The following BTG4 variants were observed in gnomAD, a reference collection of about 807,000 sequenced individuals.
BTG4 encodes the protein protein BTG4.
Under a neutral mutation model 19.3 loss-of-function variants are expected in BTG4, and 10 were observed. The ratio of observed to expected loss-of-function variants is 0.52; its 90% CI spans 0.32 to 0.88. BTG4 has a LOEUF of 0.88. BTG4 is among the 40% of genes least tolerant of loss of function. The pLI, the probability that BTG4 is intolerant of heterozygous loss-of-function variation, is 0.04. For missense variants in BTG4, 238 were observed against 281.9 expected (o/e 0.84, Z 1.11); for synonymous variants, 91 against 95.7 (o/e 0.95, Z 0.29).
At chr11:111,399,430 A>G in the BTG4 span, among the ~76,000 whole-genome samples, 37 of 152,346 alleles carry the variant, frequency 2.4e-4, no homozygotes, top group African/African-American at 6.3e-4. Flanking sequence ...TAGGAGCCCA[A>G]TGAGACTTTA....
chr11:111,441,564 G>C, the BTG4 span, among the ~76,000 whole-genome samples: 1 of 152,138 alleles, frequency 6.6e-6, no homozygotes, highest in Non-Finnish European at 1.5e-5. Flanking sequence ...CTCTGTCCTT[G>C]TCTGCTCTTG....
At chr11:111,490,615 C>A (rs1404305962), downstream of BTG4, among the ~76,000 whole-genome samples, 2 of 152,190 alleles carry the variant, frequency 1.3e-5, no homozygotes, top group East Asian at 3.8e-4. Context: ...AAGACTTACA[C>A]AGATATTTCA....
At chr11:111,480,060 G>A (rs1864640111) in intron 5 of BTG4, among the ~76,000 whole-genome samples, 1 of 151,884 alleles carries the variant, frequency 6.6e-6, no homozygotes, top group Non-Finnish European at 1.5e-5. Context: ...TTGGTAGAGT[G>A]AACTAAAAAT....
At chr11:111,423,548 C>T in the BTG4 span, among the ~76,000 whole-genome samples, 1 of 152,220 alleles carries the variant, frequency 6.6e-6, no homozygotes, top group East Asian at 1.9e-4. Context: ...TGGCCTACCC[C>T]TCCCCAAAGG....
chr11:111,428,690 T>C, the BTG4 span, among the ~76,000 whole-genome samples: 1 of 152,178 alleles, frequency 6.6e-6, no homozygotes, highest in Non-Finnish European at 1.5e-5. Context: ...ACTCAGCCCC[T>C]GACTATCTGC....
rs549193959 is a variant in BTG4 at position 111,488,473 on chromosome 11, T to A, written c.662+6690A>T. On this transcript the variant is annotated intron_variant, in intron 5 of 5. Transcript: ENST00000356018. The stretch of plus-strand genomic sequence containing the variant: ...TAAAGATGGATTAAGAACTTAAATA[T>A]AAGATCTGAAACTATGAAACTACTA... 3.3e-5 allele frequency among the ~76,000 whole-genome samples: 5 copies of A among 152,294 alleles called. No individual in the cohort carries two copies. In the East Asian group the frequency reaches 9.6e-4, roughly 29 times the overall value.
the BTG4 span, chr11:111,401,048 G>A: frequency 2.2e-4 from 12 of 54,832 alleles, no homozygotes; most frequent in East Asian, 6.0e-3. Context: ...CTGGAACCTG[G>A]AGCATAAAAA....
chr11:111,506,561 C>A (rs1391487064), intron 1 of BTG4, among the ~76,000 whole-genome samples: 3 of 151,916 alleles, frequency 2.0e-5, no homozygotes, highest in Non-Finnish European at 4.4e-5. Flanking sequence ...AAGCCCAACA[C>A]GCAACATTAT....
At chr11:111,475,473 T>C (rs1935570400) in intron 5 of BTG4, 1 of 152,094 alleles carries the variant, frequency 6.6e-6, no homozygotes, top group Non-Finnish European at 1.5e-5. Flanking sequence ...GATATATATA[T>C]ATAATATTTG....
rs1461768502 is a variant in BTG4 at position 111,509,568 on chromosome 11, C to T, written c.-27+2613G>A. ...AAAATTAGCCAGGCATGGTGGTGGG[C>T]GCCTGTAATCCCAGCTACTCAGGAG... On this transcript the variant is annotated intron_variant, in intron 1 of 4. Coordinates refer to ENST00000692032, the MANE Select transcript of BTG4 (RefSeq NM_001367975.1). 3.3e-5 allele frequency among the ~76,000 whole-genome samples: 5 copies of T among 151,754 alleles called. No individual in the cohort carries two copies. In the South Asian group the frequency reaches 6.3e-4, roughly 19 times the overall value.
chr11:111,444,023 C>T, the BTG4 span, among the ~76,000 whole-genome samples: 18 of 152,272 alleles, frequency 1.2e-4, no homozygotes, highest in South Asian at 3.7e-3. Context: ...CACAGACACA[C>T]ATTTGGTTTA....
the BTG4 span, chr11:111,385,062 CT>C: frequency 6.6e-6 from 1 of 151,876 alleles, no homozygotes; most frequent in East Asian, 1.9e-4. Context: ...GCAACTGCCA[CT>C]TTTGTTCTTA....
At chr11:111,452,195 T>C in the BTG4 span, among the ~76,000 whole-genome samples, 1 of 152,238 alleles carries the variant, frequency 6.6e-6, no homozygotes, top group Non-Finnish European at 1.5e-5. Context: ...TCCCAGAACA[T>C]GCACACAGCT....
At chr11:111,497,024 G>A in intron 4 of BTG4, 187 bp downstream of exon 4, 1 of 468,306 alleles carries the variant, frequency 2.1e-6, no homozygotes, top group Non-Finnish European at 3.7e-6. Context: ...GCTCAGCCAA[G>A]TGTAGGGAAT....
At chr11:111,465,696 C>G (rs1309410771), downstream of BTG4, among the ~76,000 whole-genome samples, 1 of 152,092 alleles carries the variant, frequency 6.6e-6, no homozygotes, top group South Asian at 2.1e-4. Flanking sequence ...GAAGGCAGTG[C>G]CAAAAGAAGA....
Position 111,495,251 on chromosome 11 carries a change from C to G in BTG4, c.574G>C (p.Asp192His), listed in dbSNP as rs1231429798. The G allele has an allele frequency of 6.2e-7, 1 of 1,611,906 alleles. No homozygotes were observed. Among genetic ancestry groups the G allele is most frequent in the Admixed American group, 1.7e-5 (1 of 59,422 alleles). Residue 192 changes from aspartate (D) to histidine (H), a missense_variant, in exon 5 of 5, where the codon GAC (aspartate) becomes CAC (histidine). Coordinates refer to ENST00000692032, the MANE Select transcript of BTG4 (RefSeq NM_001367975.1). ...LQIPRKKNVV[D>H]GRVGLLGNTY... The stretch of plus-strand genomic sequence containing the variant: ...TTTCCCAGGAGGCCAACACGGCCGT[C>G]CACCACATTCTTTTTGCGGGGGATT...
chr11:111,473,530 A>G (rs191577099), intron 5 of BTG4: 4 of 152,196 alleles, frequency 2.6e-5, no homozygotes, highest in Non-Finnish European at 5.9e-5. Flanking sequence ...TGTCCACAGA[A>G]TAAAAGGTTG....
the BTG4 span, among the ~76,000 whole-genome samples, chr11:111,391,955 G>A: frequency 3.9e-5 from 6 of 152,022 alleles, no homozygotes; most frequent in African/African-American, 9.7e-5. Context: ...TGAAAGCTTC[G>A]TGTCTCTGCA....
upstream of BTG4, among the ~76,000 whole-genome samples, chr11:111,512,537 G>A (rs1867026506): frequency 6.6e-6 from 1 of 152,178 alleles, no homozygotes; most frequent in African/African-American, 2.4e-5. Context: ...CAGCTCTAGG[G>A]TTTGGGGCTG....
Sources: gnomAD v4.1 joint callset for allele counts (sites outside exome capture counted in the v4.1 genomes callset) on GRCh38, gnomAD v4.1.1 for gene constraint, MANE v1.5 for transcripts, NCBI Gene and HGNC (gene_info 2026-07-23, HGNC 2026-07-21) for gene names.